Variants in UBAC1 observed in about 807,000 individuals in gnomAD.
UBAC1 encodes the protein ubiquitin-associated domain-containing protein 1.
In UBAC1, 27 loss-of-function variants were observed where a neutral mutation model predicts 45.9. The ratio of observed to expected loss-of-function variants is 0.59; its 90% CI spans 0.43 to 0.81. The LOEUF is 0.81. Among genes scored for constraint, UBAC1 ranks in the 30% least tolerant of loss-of-function variants. The probability of loss-of-function intolerance (pLI) is 0.00; values close to 1 mark genes in which losing one functional copy is unlikely to be tolerated. For missense variants in UBAC1, 529 were observed against 539.2 expected (o/e 0.98, Z 0.19); for synonymous variants, 227 against 215.5 (o/e 1.05, Z -0.47).
intron 9 of UBAC1, among the ~76,000 whole-genome samples, chr9:135,936,178 T>A (rs1341815087): frequency 1.3e-5 from 2 of 151,948 alleles, no homozygotes; most frequent in South Asian, 2.1e-4. Flanking sequence ...AAGAGCCTAT[T>A]TCTATTAGGA....
rs146918249 is a variant in UBAC1 at position 135,933,812 on chromosome 9, G to A, written c.1103-297C>T. ...CTCGGCAGCTGTCTGGCAGCCGCCAGGGCTCAAAAATCATCTTCCCCAACA... is the reference window on the plus strand; with the variant it reads ...CTCGGCAGCTGTCTGGCAGCCGCCAAGGCTCAAAAATCATCTTCCCCAACA... On this transcript the variant is annotated intron_variant, in intron 9 of 9. Coordinates refer to ENST00000371756, the MANE Select transcript of UBAC1 (RefSeq NM_016172.3). 7.7e-3 allele frequency among the ~76,000 whole-genome samples: 1,177 copies of A among 152,216 alleles called. 9 individuals carry two copies. Among genetic ancestry groups the A allele is most frequent in the African/African-American group, 0.027 (1,106 of 41,524 alleles).
intron 1 of UBAC1, among the ~76,000 whole-genome samples, chr9:135,956,752 ACCCT>A (rs1839471846): frequency 6.6e-6 from 1 of 152,114 alleles, no homozygotes; most frequent in Admixed American, 6.5e-5. Context: ...TGGCCTGAAA[ACCCT>A]TCAGAACTCA....
intron 7 of UBAC1, chr9:135,942,332 G>A (rs1839279568): frequency 6.6e-6 from 1 of 152,118 alleles, no homozygotes; most frequent in Non-Finnish European, 1.5e-5. Context: ...GCTAAACCTA[G>A]AAATGCTAGA....
chr9:135,945,745 T>C (rs958615528), intron 6 of UBAC1, 144 bp downstream of exon 6: 15 of 635,160 alleles, frequency 2.4e-5, no homozygotes, highest in Non-Finnish European at 3.8e-5. Flanking sequence ...TGGAGGCACA[T>C]ATTTAAGGTA....
In UBAC1 at chr9:135,943,891, G is replaced by A. The variant is rs547672229; in HGVS notation, c.876+1137C>T. Among the ~76,000 whole-genome samples, 4 of 152,292 alleles carry A rather than the reference G, an allele frequency of 2.6e-5. 1 individual carries two copies. Among genetic ancestry groups the A allele is most frequent in the African/African-American group, 9.6e-5 (4 of 41,556 alleles). On this transcript the variant is annotated intron_variant, in intron 7 of 9. Transcript: ENST00000371756. ...AGGAACAAAAAACCAAGCCCCTCAT[G>A]TTCTCACTTATAAGTGGGAGCTGAA... is the stretch of plus-strand genomic sequence containing the variant.
rs893435083 is a variant in UBAC1 at position 135,958,867 on chromosome 9, C to T, written c.138+2158G>A. Among the ~76,000 whole-genome samples the T allele has an allele frequency of 5.3e-5, 8 of 152,302 alleles. 1 individual carries two copies. Among genetic ancestry groups the T allele is most frequent in the Middle Eastern group, 6.8e-3 (2 of 294 alleles). On this transcript the variant is annotated intron_variant, in intron 1 of 9. Coordinates refer to ENST00000371756, the MANE Select transcript of UBAC1 (RefSeq NM_016172.3). ...TGTCGGCTCTTGCGGTGTGAAAATC[C>T]CCTGCTACTCAGATCCTCCACACCT... is the stretch of plus-strand genomic sequence containing the variant.
At chr9:135,955,156 G>A in intron 2 of UBAC1, 139 bp downstream of exon 2, 1 of 879,566 alleles carries the variant, frequency 1.1e-6, no homozygotes, top group South Asian at 3.7e-5. Flanking sequence ...AAAACAGAAT[G>A]CTTTTAGTCG....
intron 3 of UBAC1, among the ~76,000 whole-genome samples, chr9:135,951,078 C>T (rs184801968): frequency 5.9e-5 from 9 of 152,132 alleles, no homozygotes; most frequent in African/African-American, 1.7e-4. Flanking sequence ...GCCTGGTGTG[C>T]ACTGCCTGGC....
intron 7 of UBAC1, among the ~76,000 whole-genome samples, chr9:135,940,804 T>A (rs1839262047): frequency 6.6e-6 from 1 of 152,094 alleles, no homozygotes; most frequent in Non-Finnish European, 1.5e-5. Flanking sequence ...GAAGGCTTCA[T>A]CAAAATTTCA....
intron 9 of UBAC1, among the ~76,000 whole-genome samples, chr9:135,937,303 T>C (rs142837939): frequency 7.3e-4 from 110 of 151,566 alleles, no homozygotes; most frequent in African/African-American, 2.6e-3. Context: ...TAGCCAGGCG[T>C]GGTAGTGCAC....
At chr9:135,960,995 T>G in intron 1 of UBAC1, 30 bp downstream of exon 1, 1 of 1,495,844 alleles carries the variant, frequency 6.7e-7, no homozygotes, top group Non-Finnish European at 8.9e-7. Flanking sequence ...GGAGCGGGTG[T>G]TGGGGGCAGG....
chr9:135,947,942 G>C (rs75415013), intron 3 of UBAC1, 37 bp from the exon 4 acceptor site: 6 of 1,578,800 alleles, frequency 3.8e-6, no homozygotes, highest in Admixed American at 3.5e-5. Flanking sequence ...TGAGGTGAAC[G>C]TAAGAGCAGC....
intron 7 of UBAC1, 109 bp from the exon 8 acceptor site, chr9:135,939,868 A>C: frequency 1.2e-6 from 1 of 848,190 alleles, no homozygotes; most frequent in Non-Finnish European, 1.9e-6. Flanking sequence ...GGGTGCTCCC[A>C]ACAGCACTGA....
chr9:135,937,062 G>A (rs540875988), intron 9 of UBAC1, among the ~76,000 whole-genome samples: 1 of 152,298 alleles, frequency 6.6e-6, no homozygotes, highest in Admixed American at 6.5e-5. Flanking sequence ...ATACGCTTCT[G>A]AAAGAAGGCC....
intron 1 of UBAC1, among the ~76,000 whole-genome samples, chr9:135,959,999 C>T (rs1333171648): frequency 6.6e-6 from 1 of 152,184 alleles, no homozygotes; most frequent in Non-Finnish European, 1.5e-5. Flanking sequence ...CTCACAAAAG[C>T]AACTCGAAAG....
intron 7 of UBAC1, among the ~76,000 whole-genome samples, chr9:135,943,717 G>A (rs1260661155): frequency 3.3e-5 from 5 of 152,002 alleles, no homozygotes; most frequent in Admixed American, 6.6e-5. Flanking sequence ...AAATGCCCAC[G>A]GATAAGAAAA....
At chr9:135,935,728 C>A (rs1322046539) in intron 9 of UBAC1, among the ~76,000 whole-genome samples, 1 of 152,022 alleles carries the variant, frequency 6.6e-6, no homozygotes, top group South Asian at 2.1e-4. Flanking sequence ...TTGCTAATAA[C>A]CAAAAGGAAT....
chr9:135,945,485 G>A, intron 6 of UBAC1: 1 of 522,336 alleles, frequency 1.9e-6, no homozygotes, highest in Middle Eastern at 5.0e-4. Context: ...GAGGCAAGCG[G>A]ACCCAGAGAT....
At chr9:135,956,498 T>C (rs1839467940) in intron 1 of UBAC1, among the ~76,000 whole-genome samples, 1 of 152,172 alleles carries the variant, frequency 6.6e-6, no homozygotes, top group Non-Finnish European at 1.5e-5. Flanking sequence ...TCGGCACATG[T>C]GCCTGCATGT....
Sources: gnomAD v4.1 joint callset for allele counts (sites outside exome capture counted in the v4.1 genomes callset) on GRCh38, gnomAD v4.1.1 for gene constraint, MANE v1.5 for transcripts, NCBI Gene and HGNC (gene_info 2026-07-23, HGNC 2026-07-21) for gene names.